The following MYO9B variants were observed in gnomAD, a reference collection of about 807,000 sequenced individuals.
MYO9B encodes the protein unconventional myosin-IXb.
A neutral mutation model predicts 229.5 loss-of-function variants in MYO9B; 71 were observed. That is an observed-to-expected ratio of 0.31 (90% CI 0.26 to 0.38). The LOEUF (loss-of-function observed/expected upper bound fraction) is 0.38, where lower values mean the gene tolerates loss of function less well. MYO9B is among the 10% of genes least tolerant of loss of function. The pLI is 1.00. For missense variants in MYO9B, 2,255 were observed against 2,920.5 expected (o/e 0.77, Z 5.25); for synonymous variants, 1,185 against 1,235.8 (o/e 0.96, Z 0.86).
intron 4 of MYO9B, among the ~76,000 whole-genome samples, chr19:17,153,474 C>A (rs10419386): frequency 0.27 from 40,182 of 150,420 alleles, 5,905 homozygotes; most frequent in East Asian, 0.39. Flanking sequence ...ATCACATGAA[C>A]CCAGGAGTTC....
rs535391625 is a variant in MYO9B at position 17,118,667 on chromosome 19, G to C, written c.840+16110G>C. Among the ~76,000 whole-genome samples, 29 of 152,128 alleles carry C rather than the reference G, an allele frequency of 1.9e-4. 1 individual carries two copies. The South Asian group carries it at 6.0e-3, about 31-fold the overall frequency. On this transcript the variant is annotated intron_variant, in intron 2 of 39. Transcript: ENST00000682292. ...CACCTGATTTTTGTATTTTTTGGTA[G>C]AGACATGGTTTCGCCATGTTGGCCA...
At chr19:17,186,057 G>A in intron 18 of MYO9B, 56 bp downstream of exon 18, 1 of 1,521,466 alleles carries the variant, frequency 6.6e-7, no homozygotes, top group Non-Finnish European at 9.1e-7. Context: ...TCTTAGGGGT[G>A]TCGGTGTCCC....
chr19:17,179,029 A>G (rs2072823552), intron 14 of MYO9B, among the ~76,000 whole-genome samples: 4 of 116,886 alleles, frequency 3.4e-5, no homozygotes, highest in Non-Finnish European at 5.0e-5. Context: ...AGACTCTGTA[A>G]AAAAAAAAAA....
chr19:17,175,824 CTTTTTTTT>C, intron 14 of MYO9B, 83 bp downstream of exon 14: 14 of 496,904 alleles, frequency 2.8e-5, no homozygotes, highest in African/African-American at 4.8e-5. Context: ...ATGCTACATT[CTTTTTTTT>C]TTTTTTTTTT....
At chr19:17,120,638 CAAAAAA>C (rs59262657) in intron 2 of MYO9B, among the ~76,000 whole-genome samples, 8 of 87,010 alleles carry the variant, frequency 9.2e-5, no homozygotes, top group Admixed American at 2.6e-4. Context: ...GACTCTGTCT[CAAAAAA>C]AAAAAAAAAA....
At position 17,207,180 on chromosome 19, in the gene MYO9B, C is replaced by T. The variant is rs2073171857; in HGVS notation, c.5560C>T (p.Leu1854Phe). Residue 1854 changes from leucine (L) to phenylalanine (F), a missense_variant, in exon 35 of 40, where the codon CTC (leucine) becomes TTC (phenylalanine). Around this residue, in one of 7 missense-constraint regions of MYO9B, gnomAD observed 416 missense variants for 605.5 expected, o/e 0.69. Coordinates refer to ENST00000682292, the MANE Select transcript of MYO9B (RefSeq NM_004145.4). Reference protein sequence around the residue: ...GALAIIFAPCLLRCPDNSDPL... With the variant: ...GALAIIFAPCFLRCPDNSDPL... ...GCTGGCCATTATCTTCGCACCCTGCCTCCTGCGCTGCCCTGACAACTCGGA... is the reference window on the plus strand; with the variant it reads ...GCTGGCCATTATCTTCGCACCCTGCTTCCTGCGCTGCCCTGACAACTCGGA... 1 of 1,605,410 alleles carries T rather than the reference C, an allele frequency of 6.2e-7. No individual in the cohort carries two copies. Among genetic ancestry groups the T allele is most frequent in the South Asian group, 1.1e-5 (1 of 89,302 alleles).
intron 11 of MYO9B, among the ~76,000 whole-genome samples, chr19:17,170,937 C>T (rs982533392): frequency 2.0e-5 from 3 of 151,974 alleles, no homozygotes; most frequent in African/African-American, 7.2e-5. Flanking sequence ...CAAGGCCTGG[C>T]CCAGCAGGCT....
At chr19:17,114,337 C>T (rs1250734710) in intron 2 of MYO9B, among the ~76,000 whole-genome samples, 2 of 152,146 alleles carry the variant, frequency 1.3e-5, no homozygotes, top group African/African-American at 2.4e-5. Context: ...TTCAGTCCGG[C>T]GTTCTCCCTC....
chr19:17,122,511 T>A (rs972988445), intron 2 of MYO9B, among the ~76,000 whole-genome samples: 7 of 152,124 alleles, frequency 4.6e-5, no homozygotes, highest in Non-Finnish European at 7.3e-5. Flanking sequence ...AGTGAGACTC[T>A]GCCTCAAAAA....
intron 2 of MYO9B, 21 bp from the exon 3 acceptor site, chr19:17,145,376 C>T: frequency 6.2e-7 from 1 of 1,607,802 alleles, no homozygotes; most frequent in East Asian, 2.2e-5. Flanking sequence ...GATCTGAAAC[C>T]TGCTTTTGAT....
chr19:17,089,397 A>G (rs927894930), intron 1 of MYO9B, among the ~76,000 whole-genome samples: 1 of 152,236 alleles, frequency 6.6e-6, no homozygotes, highest in Non-Finnish European at 1.5e-5. Flanking sequence ...TAGCTTGAGA[A>G]TGATTTCATC....
At chr19:17,188,448 A>AAT (rs59468588) in intron 19 of MYO9B, among the ~76,000 whole-genome samples, 1 of 122,242 alleles carries the variant, frequency 8.2e-6, no homozygotes, top group East Asian at 2.9e-4. Context: ...AAAAAAAAAA[A>AAT]AAGAAGAAAC....
intron 2 of MYO9B, among the ~76,000 whole-genome samples, chr19:17,136,582 C>T (rs1395245471): frequency 6.6e-6 from 1 of 152,094 alleles, no homozygotes; most frequent in African/African-American, 2.4e-5. Flanking sequence ...TGGGGACATT[C>T]TTTGGTTATC....
At chr19:17,159,530 A>C (rs766397081) in intron 8 of MYO9B, 46 bp downstream of exon 8, 1 of 1,512,442 alleles carries the variant, frequency 6.6e-7, no homozygotes, top group Non-Finnish European at 9.1e-7. Flanking sequence ...CCCAAAAACC[A>C]AGTGGGAATG....
intron 28 of MYO9B, among the ~76,000 whole-genome samples, 151 bp downstream of exon 28, chr19:17,202,454 C>T (rs1021126867): frequency 1.3e-5 from 2 of 151,798 alleles, no homozygotes; most frequent in African/African-American, 4.8e-5. Flanking sequence ...ATGACTTGAT[C>T]CACTTATGCC....
At chr19:17,188,885 C>T (rs1472084803) in intron 19 of MYO9B, among the ~76,000 whole-genome samples, 2 of 151,740 alleles carry the variant, frequency 1.3e-5, no homozygotes, top group East Asian at 3.9e-4. Context: ...CAGTGGCTCA[C>T]ACCTATAATT....
intron 14 of MYO9B, among the ~76,000 whole-genome samples, chr19:17,176,385 G>A (rs889100657): frequency 1.3e-5 from 2 of 151,526 alleles, no homozygotes; most frequent in African/African-American, 4.9e-5. Flanking sequence ...TAGTCAGGCT[G>A]GTCTTGAACT....
In MYO9B at chr19:17,200,811, C is replaced by T. The variant is rs765399082; in HGVS notation, c.4545C>T (p.Asp1515=). Residue 1515 remains aspartate (D), a synonymous_variant, in exon 26 of 40, where the codon GAC becomes GAT. Coordinates refer to ENST00000682292, the MANE Select transcript of MYO9B (RefSeq NM_004145.4). ...ACGCCAATGAGCTCAAGTACCTGGA[C>T]GAGTTCCTGCTCAACAAGGTGGGAT... is the stretch of plus-strand genomic sequence containing the variant. ...ITNANELKYL[D]EFLLNKINDL... is the part of the protein sequence containing the mutation. 7 of 1,613,770 alleles carry T rather than the reference C, an allele frequency of 4.3e-6. No homozygotes were observed. The highest frequency in any genetic ancestry group is 5.9e-6 in the Non-Finnish European group (7 of 1,179,782).
chr19:17,197,952 G>A, intron 23 of MYO9B, 94 bp downstream of exon 23: 1 of 1,501,724 alleles, frequency 6.7e-7, no homozygotes, highest in East Asian at 2.3e-5. Context: ...TACTCAGGAG[G>A]CTGAGGCGAG....
Sources: gnomAD v4.1 joint callset for allele counts (sites outside exome capture counted in the v4.1 genomes callset) on GRCh38, gnomAD v4.1.1 for gene constraint, gnomAD v4.1.1 regional missense constraint, MANE v1.5 for transcripts, NCBI Gene and HGNC (gene_info 2026-07-23, HGNC 2026-07-21) for gene names.